The following DLC1 variants were observed in gnomAD, a reference collection of about 807,000 sequenced individuals.
DLC1 encodes DLC1 Rho GTPase activating protein.
A neutral mutation model predicts 140.3 loss-of-function variants in DLC1; 54 were observed. The observed-to-expected ratio is 0.38, with a 90% CI of 0.31 to 0.48. The LOEUF (loss-of-function observed/expected upper bound fraction) is 0.48. Among genes scored for constraint, DLC1 ranks in the 20% least tolerant of loss-of-function variants. The probability of loss-of-function intolerance (pLI) is 0.96; values close to 1 mark genes in which losing one functional copy is unlikely to be tolerated. For missense variants in DLC1, 2,536 were observed against 1,907.0 expected, an observed-to-expected ratio of 1.33 and a Z score of -6.14; for synonymous variants, 986 against 728.1, an observed-to-expected ratio of 1.35 and a Z score of -5.70.
rs1484141030 is a variant in DLC1, at chr8:13,176,438, G to C, written c.1349-60781C>G. Among the ~76,000 whole-genome samples, 6 of 152,104 alleles carry C rather than the reference G, an allele frequency of 3.9e-5. No homozygotes were observed. The South Asian group carries it at 1.0e-3, about 26-fold the overall frequency. On this transcript the variant is annotated intron_variant, in intron 5 of 17. Coordinates refer to ENST00000276297, the MANE Select transcript of DLC1 (RefSeq NM_182643.3). ...TTAAAAAATACAAAAGATTAGCTGG[G>C]AGTGGCAGCAGGTGCCTGTAGTCCC...
chr8:13,219,776 A>G (rs1377314171), intron 5 of DLC1, among the ~76,000 whole-genome samples: 1 of 152,192 alleles, frequency 6.6e-6, no homozygotes, highest in East Asian at 1.9e-4. Context: ...AAGCATTCTG[A>G]ATCGTTATTA....
intron 5 of DLC1, among the ~76,000 whole-genome samples, chr8:13,244,821 T>A (rs1829691888): frequency 6.6e-6 from 1 of 152,208 alleles, no homozygotes. Flanking sequence ...CTGTATGTTA[T>A]AGTATATTGT....
chr8:13,331,875 TTAA>T (rs1433114453), intron 4 of DLC1, among the ~76,000 whole-genome samples: 1 of 152,198 alleles, frequency 6.6e-6, no homozygotes, highest in Non-Finnish European at 1.5e-5. Flanking sequence ...TTAAGTGGCT[TTAA>T]TATGATCCTT....
At chr8:13,330,473 C>T (rs1019891996) in intron 4 of DLC1, among the ~76,000 whole-genome samples, 37 of 152,208 alleles carry the variant, frequency 2.4e-4, no homozygotes, top group African/African-American at 8.7e-4. Flanking sequence ...ATCTCTGCCT[C>T]TTTTTCCATG....
intron 2 of DLC1, among the ~76,000 whole-genome samples, chr8:13,434,842 G>A (rs1839044173): frequency 6.6e-6 from 1 of 151,914 alleles, no homozygotes; most frequent in Admixed American, 6.6e-5. Context: ...AACACACCTG[G>A]CGAATTTTTG....
At chr8:13,089,475 A>C (rs936003959) in intron 15 of DLC1, among the ~76,000 whole-genome samples, 1 of 151,726 alleles carries the variant, frequency 6.6e-6, no homozygotes, top group Non-Finnish European at 1.5e-5. Flanking sequence ...AAATACAAAA[A>C]TTAGCATGGC....
intron 1 of DLC1, among the ~76,000 whole-genome samples, chr8:13,541,714 T>C (rs1400208795): frequency 6.6e-6 from 1 of 152,118 alleles, no homozygotes; most frequent in African/African-American, 2.4e-5. Flanking sequence ...CAAGCCTGGC[T>C]AATTTTTTGT....
intron 5 of DLC1, among the ~76,000 whole-genome samples, chr8:13,200,211 T>G (rs947742931): frequency 2.7e-4 from 41 of 151,292 alleles, no homozygotes; most frequent in African/African-American, 9.2e-4. Context: ...CCCTGCAAAT[T>G]TTTTCTATTT....
intron 5 of DLC1, among the ~76,000 whole-genome samples, chr8:13,273,128 G>A (rs538932797): frequency 9.2e-5 from 14 of 152,272 alleles, no homozygotes; most frequent in African/African-American, 2.2e-4. Flanking sequence ...AAAGAGATCC[G>A]TGGGCACAAA....
intron 4 of DLC1, among the ~76,000 whole-genome samples, chr8:13,320,352 G>T (rs957642860): frequency 6.6e-6 from 1 of 151,992 alleles, no homozygotes; most frequent in African/African-American, 2.4e-5. Flanking sequence ...GAGAAGTTCA[G>T]CTCCTCTTTG....
At chr8:13,440,511 G>T (rs1465419132) in intron 2 of DLC1, among the ~76,000 whole-genome samples, 1 of 151,708 alleles carries the variant, frequency 6.6e-6, no homozygotes, top group Non-Finnish European at 1.5e-5. Flanking sequence ...TAAAATTTTG[G>T]TAAAGATATG....
intron 2 of DLC1, among the ~76,000 whole-genome samples, chr8:13,431,289 T>C (rs557989753): frequency 2.8e-4 from 42 of 151,714 alleles, no homozygotes; most frequent in African/African-American, 9.4e-4. Flanking sequence ...CGAGACCATC[T>C]TGGCTAACAC....
intron 5 of DLC1, among the ~76,000 whole-genome samples, chr8:13,300,480 A>G (rs988295097): frequency 2.0e-5 from 3 of 151,986 alleles, no homozygotes; most frequent in Admixed American, 6.6e-5. Flanking sequence ...AAACTCTCCA[A>G]CCTCATTGTC....
chr8:13,504,317 T>A (rs1801955480), intron 1 of DLC1, among the ~76,000 whole-genome samples: 1 of 151,988 alleles, frequency 6.6e-6, no homozygotes, highest in Non-Finnish European at 1.5e-5. Context: ...CTAGAGACAG[T>A]TTTCTTCATG....
chr8:13,394,508 A>G (rs934662429), intron 3 of DLC1, among the ~76,000 whole-genome samples: 4 of 152,176 alleles, frequency 2.6e-5, no homozygotes, highest in African/African-American at 7.2e-5. Context: ...AATATATCAT[A>G]TGCTTTCTTT....
chr8:13,274,634 T>G (rs1004656389), intron 5 of DLC1, among the ~76,000 whole-genome samples: 2 of 152,334 alleles, frequency 1.3e-5, no homozygotes, highest in Non-Finnish European at 2.9e-5. Context: ...GAGAACAACT[T>G]TCCAGGGATA....
At chr8:13,448,620 A>C (rs1036502260) in intron 2 of DLC1, among the ~76,000 whole-genome samples, 1 of 152,078 alleles carries the variant, frequency 6.6e-6, no homozygotes, top group Non-Finnish European at 1.5e-5. Flanking sequence ...CAGCTTCCCA[A>C]AGTGCTGGGA....
chr8:13,558,958 A>G (rs1367693919), intron 1 of DLC1: 2 of 152,238 alleles, frequency 1.3e-5, no homozygotes, highest in Admixed American at 6.5e-5. Context: ...AAAACAAAAC[A>G]AAACATTCTT....
At chr8:13,454,332 AG>A (rs201163743) in intron 2 of DLC1, among the ~76,000 whole-genome samples, 25 of 151,992 alleles carry the variant, frequency 1.6e-4, no homozygotes, top group African/African-American at 4.1e-4. Flanking sequence ...AACATCTCTT[AG>A]GGGAAAAAAA....
Sources: gnomAD v4.1 joint callset for allele counts (sites outside exome capture counted in the v4.1 genomes callset) on GRCh38, gnomAD v4.1.1 for gene constraint, MANE v1.5 for transcripts, NCBI Gene and HGNC (gene_info 2026-07-23, HGNC 2026-07-21) for gene names.